Variants in ZBTB7C observed in about 807,000 individuals in gnomAD.
The protein encoded by ZBTB7C is zinc finger and BTB domain containing 7C, also known as zinc finger and BTB domain-containing protein 7C.
A neutral mutation model predicts 25.7 loss-of-function variants in ZBTB7C; 8 were observed. That is an observed-to-expected ratio of 0.31 (90% confidence interval 0.18 to 0.56). The LOEUF is 0.56. ZBTB7C is among the 20% of genes least tolerant of loss of function. ZBTB7C has a pLI of 0.91. For missense variants in ZBTB7C, 824 were observed against 855.2 expected (o/e 0.96, Z 0.46); for synonymous variants, 394 against 369.0 (o/e 1.07, Z -0.78).
chr18:48,403,599 C>A (rs760838866), intron 1 of ZBTB7C, among the ~76,000 whole-genome samples: 36 of 152,140 alleles, frequency 2.4e-4, no homozygotes, highest in Admixed American at 1.4e-3. Context: ...CAGGAGGAGA[C>A]AATAGATTGC....
At chr18:48,059,836 C>A (rs1023999611) in intron 3 of ZBTB7C, among the ~76,000 whole-genome samples, 1 of 152,168 alleles carries the variant, frequency 6.6e-6, no homozygotes, top group African/African-American at 2.4e-5. Flanking sequence ...CAGTCTCTCC[C>A]CAGCTGCCTC....
intron 1 of ZBTB7C, among the ~76,000 whole-genome samples, chr18:48,367,283 A>ATATGTATCTATACAT (rs1568404252): frequency 5.1e-5 from 6 of 116,820 alleles, no homozygotes; most frequent in Non-Finnish European, 8.5e-5. Flanking sequence ...TGTATATGTA[A>ATATGTATCTATACAT]ATATGTATCT....
chr18:48,321,712 G>A (rs556758069), intron 2 of ZBTB7C, among the ~76,000 whole-genome samples: 48 of 152,242 alleles, frequency 3.2e-4, no homozygotes, highest in East Asian at 9.7e-4. Context: ...CTTCCCCTGC[G>A]TCCTCACACC....
At chr18:48,237,075 G>A (rs910453986) in intron 2 of ZBTB7C, among the ~76,000 whole-genome samples, 1 of 152,172 alleles carries the variant, frequency 6.6e-6, no homozygotes, top group Non-Finnish European at 1.5e-5. Flanking sequence ...AGTCATTGCT[G>A]GAAATGCTGT....
chr18:48,039,983 C>T lies in ZBTB7C; in HGVS notation c.1125G>A (p.Gly375=). 6.2e-7 allele frequency: 1 copy of T among 1,614,084 alleles called. No individual in the cohort carries two copies. The highest frequency in any genetic ancestry group is 8.5e-7 in the Non-Finnish European group (1 of 1,180,038). Residue 375 remains glycine (G), a synonymous_variant, in exon 4 of 5, where the codon GGG becomes GGA. Coordinates refer to ENST00000590800, the MANE Select transcript of ZBTB7C (RefSeq NM_001318841.2). Reference sequence around the variant, plus strand: ...TCATGTGCCGCGGCAGCTTCCCGGCCCCCATGATGACTTTGTGGCAGATGG... The same window carrying T: ...TCATGTGCCGCGGCAGCTTCCCGGCTCCCATGATGACTTTGTGGCAGATGG... ...QCPICHKVIM[G]AGKLPRHMRT... is the part of the protein sequence containing the mutation.
At chr18:48,395,522 A>C (rs1165214040) in intron 1 of ZBTB7C, among the ~76,000 whole-genome samples, 1 of 149,798 alleles carries the variant, frequency 6.7e-6, no homozygotes, top group Admixed American at 6.7e-5. Flanking sequence ...ATGTGTATGA[A>C]GGTGGATCTG....
intron 2 of ZBTB7C, among the ~76,000 whole-genome samples, chr18:48,305,471 T>C (rs2045651056): frequency 1.3e-5 from 2 of 152,162 alleles, no homozygotes; most frequent in Admixed American, 6.5e-5. Flanking sequence ...GAACAAACTA[T>C]GCATAATCAC....
chr18:48,185,032 A>G lies in ZBTB7C; in HGVS notation c.-17+902T>C, dbSNP rs74909440. Among the ~76,000 whole-genome samples, 1,369 of 152,250 alleles carry G rather than the reference A, an allele frequency of 9.0e-3. 17 individuals carry two copies. Among genetic ancestry groups the G allele is most frequent in the African/African-American group, 0.029 (1,220 of 41,534 alleles). ...CTAAATTTTATTTACATAGGTGAAG[A>G]ATCCTTTATTCCATCCTGATTCTTT... On this transcript the variant is annotated intron_variant, in intron 3 of 4. Coordinates refer to ENST00000590800, the MANE Select transcript of ZBTB7C (RefSeq NM_001318841.2).
intron 3 of ZBTB7C, among the ~76,000 whole-genome samples, chr18:48,182,758 T>C (rs1353400815): frequency 6.6e-6 from 1 of 152,180 alleles, no homozygotes; most frequent in Non-Finnish European, 1.5e-5. Flanking sequence ...GTGCTGACAA[T>C]GCAGGAAATC....
At chr18:48,214,036 G>C (rs2042765779) in intron 2 of ZBTB7C, among the ~76,000 whole-genome samples, 1 of 152,244 alleles carries the variant, frequency 6.6e-6, no homozygotes. Flanking sequence ...GCACCACTTA[G>C]AGGCCACTGT....
At chr18:48,290,555 G>C (rs983438249) in intron 2 of ZBTB7C, among the ~76,000 whole-genome samples, 1 of 152,242 alleles carries the variant, frequency 6.6e-6, no homozygotes, top group African/African-American at 2.4e-5. Context: ...CTGCTCCCCT[G>C]TGGTGTTTTT....
chr18:48,308,110 T>C (rs2045720545), intron 2 of ZBTB7C, among the ~76,000 whole-genome samples: 2 of 152,196 alleles, frequency 1.3e-5, no homozygotes, highest in South Asian at 2.1e-4. Flanking sequence ...ACACCAGCCA[T>C]GTATGGCCAT....
intron 1 of ZBTB7C, among the ~76,000 whole-genome samples, chr18:48,380,251 C>T (rs1407139784): frequency 1.3e-5 from 2 of 152,124 alleles, no homozygotes; most frequent in Non-Finnish European, 2.9e-5. Flanking sequence ...AGGAACCATA[C>T]TCTAGTTTGA....
chr18:48,107,128 G>A (rs1473292638), intron 3 of ZBTB7C, among the ~76,000 whole-genome samples: 2 of 151,038 alleles, frequency 1.3e-5, no homozygotes. Flanking sequence ...AGAGAGGGGA[G>A]GTGGAGAATG....
intron 2 of ZBTB7C, among the ~76,000 whole-genome samples, chr18:48,193,279 G>A (rs549950339): frequency 2.6e-5 from 4 of 152,162 alleles, no homozygotes; most frequent in Non-Finnish European, 4.4e-5. Flanking sequence ...AATACACCCC[G>A]GGCCAGGCAC....
chr18:48,155,370 C>A (rs2040809707), intron 3 of ZBTB7C, among the ~76,000 whole-genome samples: 1 of 134,464 alleles, frequency 7.4e-6, no homozygotes, highest in Admixed American at 8.4e-5. Context: ...CTCTATCGCC[C>A]AGGCTGGAGT....
intron 3 of ZBTB7C, among the ~76,000 whole-genome samples, chr18:48,182,337 C>T (rs181747530): frequency 2.2e-4 from 33 of 152,294 alleles, no homozygotes; most frequent in African/African-American, 7.9e-4. Context: ...AAAAACATAT[C>T]TGCCAGGCCT....
chr18:48,262,586 A>C (rs1325637896), intron 2 of ZBTB7C, among the ~76,000 whole-genome samples: 1 of 152,200 alleles, frequency 6.6e-6, no homozygotes, highest in Non-Finnish European at 1.5e-5. Flanking sequence ...TCTTGGAGTA[A>C]GCCCTACAGA....
chr18:48,032,239 G>A (rs961974000), intron 4 of ZBTB7C, among the ~76,000 whole-genome samples: 8 of 151,516 alleles, frequency 5.3e-5, no homozygotes, highest in African/African-American at 1.5e-4. Context: ...TCAGCCTCTC[G>A]AGTAGCTGGG....
Sources: gnomAD v4.1 joint callset for allele counts (sites outside exome capture counted in the v4.1 genomes callset) on GRCh38, gnomAD v4.1.1 for gene constraint, MANE v1.5 for transcripts, NCBI Gene and HGNC (gene_info 2026-07-23, HGNC 2026-07-21) for gene names.